USP28: variants seen among roughly 807,000 people sequenced by gnomAD.
USP28 encodes the protein ubiquitin carboxyl-terminal hydrolase 28.
USP28 carries 113 observed loss-of-function variants against 145.0 expected under a neutral mutation model. The observed-to-expected ratio is 0.78, with a 90% CI of 0.67 to 0.91. The LOEUF (loss-of-function observed/expected upper bound fraction) is 0.91, where lower values mean the gene tolerates loss of function less well. USP28 is among the 40% of genes least tolerant of loss of function. USP28 has a pLI of 0.00. For missense variants in USP28, 1,201 were observed against 1,289.6 expected, an observed-to-expected ratio of 0.93 and a Z score of 1.05; for synonymous variants, 447 against 450.9, an observed-to-expected ratio of 0.99 and a Z score of 0.11.
chr11:113,858,057 G>T (rs1286303470), intron 1 of USP28, among the ~76,000 whole-genome samples: 1 of 151,990 alleles, frequency 6.6e-6, no homozygotes, highest in Non-Finnish European at 1.5e-5. Context: ...GTAGACATGG[G>T]GTTTCTCCAT....
Position 113,808,295 on chromosome 11 carries a change from C to T in USP28, c.2304+3G>A. On this transcript the variant is annotated splice_donor_region_variant and intron_variant, in intron 18 of 24. Transcript: ENST00000003302. ...TGAACTTGGGCTTCCCAGTCATTCT[C>T]ACCTCACTCAGTGCCGCTTCTACAC... 2 of 1,609,902 alleles carry T rather than the reference C, an allele frequency of 1.2e-6. No individual in the cohort carries two copies. The highest frequency in any genetic ancestry group is 2.2e-5 in the East Asian group (1 of 44,854).
intron 11 of USP28, 71 bp downstream of exon 11, chr11:113,827,162 C>G: frequency 1.3e-6 from 2 of 1,531,150 alleles, no homozygotes; most frequent in Non-Finnish European, 1.8e-6. Context: ...CCTACGCACA[C>G]TATACTTAGT....
At chr11:113,874,083 G>C (rs1435448431) in intron 1 of USP28, among the ~76,000 whole-genome samples, 2 of 148,960 alleles carry the variant, frequency 1.3e-5, no homozygotes, top group Non-Finnish European at 3.0e-5. Flanking sequence ...GGAAGTTGCA[G>C]TGAGCCGAGA....
chr11:113,800,471 T>C lies in USP28; in HGVS notation c.3058+1012A>G, dbSNP rs186313626. On this transcript the variant is annotated intron_variant, in intron 24 of 24. Coordinates refer to ENST00000003302, the Ensembl canonical transcript of USP28. ...TATACCCAGCTAAGTTTTCATTTTT[T>C]GTAGAGGCAGGGTCTCACTATGTTG... Among the ~76,000 whole-genome samples the C allele has an allele frequency of 4.6e-5, 7 of 152,140 alleles. No homozygotes were observed. In the East Asian group the frequency reaches 1.4e-3, roughly 29 times the overall value.
At chr11:113,852,929 C>G (rs887037559) in intron 2 of USP28, among the ~76,000 whole-genome samples, 1 of 152,052 alleles carries the variant, frequency 6.6e-6, no homozygotes. Flanking sequence ...TTTCTCTGAA[C>G]AGTCTAAAGC....
At chr11:113,860,829 A>G (rs1947598478) in intron 1 of USP28, among the ~76,000 whole-genome samples, 1 of 151,464 alleles carries the variant, frequency 6.6e-6, no homozygotes, top group African/African-American at 2.4e-5. Context: ...GAAAAAAAAA[A>G]AAATAAGGGC....
At chr11:113,841,352 C>T (rs563114797) in intron 4 of USP28, among the ~76,000 whole-genome samples, 4 of 152,154 alleles carry the variant, frequency 2.6e-5, no homozygotes, top group Non-Finnish European at 5.9e-5. Context: ...CAGCATAACC[C>T]TCAAAGTTTA....
At chr11:113,802,974 G>T (rs951272869) in intron 23 of USP28, among the ~76,000 whole-genome samples, 184 bp downstream of exon 24, 1 of 152,076 alleles carries the variant, frequency 6.6e-6, no homozygotes, top group Non-Finnish European at 1.5e-5. Context: ...CATTGAAGAA[G>T]AATGACATTC....
intron 1 of USP28, among the ~76,000 whole-genome samples, chr11:113,858,146 G>C (rs1013422263): frequency 6.6e-6 from 1 of 152,132 alleles, no homozygotes; most frequent in Non-Finnish European, 1.5e-5. Context: ...GGTTACAGGC[G>C]TGAGCCACTG....
chr11:113,816,334 G>A (rs527674952), intron 13 of USP28, among the ~76,000 whole-genome samples: 1 of 152,190 alleles, frequency 6.6e-6, no homozygotes, highest in Non-Finnish European at 1.5e-5. Context: ...GGCCAACATG[G>A]TGAAACCCCA....
exon 9 of USP28, chr11:113,830,928 T>A: frequency 6.2e-7 from 1 of 1,614,076 alleles, no homozygotes; most frequent in Admixed American, 1.7e-5. Flanking sequence ...GATTTTCAGA[T>A]TTGTTCCTGG....
chr11:113,833,498 T>A (rs748399413), exon 7 of USP28: 2 of 1,614,196 alleles, frequency 1.2e-6, no homozygotes, highest in East Asian at 4.5e-5. Context: ...TTCTATTTGA[T>A]CCCATCATTA....
At chr11:113,818,033 T>C in intron 12 of USP28, 196 bp from the exon 13 acceptor site, 1 of 473,882 alleles carries the variant, frequency 2.1e-6, no homozygotes, top group African/African-American at 2.0e-5. Flanking sequence ...GCCAACAATC[T>C]GAAGTTTTAT....
intron 11 of USP28, 95 bp downstream of exon 11, chr11:113,827,138 T>C: frequency 2.1e-6 from 3 of 1,425,016 alleles, no homozygotes; most frequent in Non-Finnish European, 1.9e-6. Context: ...TATTATCATG[T>C]CTCCCAGGTG....
At chr11:113,804,568 G>T in intron 21 of USP28, 105 bp downstream of exon 22, 1 of 991,546 alleles carries the variant, frequency 1.0e-6, no homozygotes, top group Non-Finnish European at 1.5e-6. Flanking sequence ...GAAAGTGGAA[G>T]AACAAGTCAG....
At chr11:113,841,633 G>A in intron 4 of USP28, 30 bp downstream of exon 4, 5 of 1,469,334 alleles carry the variant, frequency 3.4e-6, no homozygotes, top group Non-Finnish European at 4.7e-6. Context: ...ACAAATGTGG[G>A]GGGCAAGAAT....
intron 3 of USP28, 57 bp from the exon 4 acceptor site, chr11:113,841,825 A>G: frequency 8.2e-7 from 1 of 1,218,714 alleles, no homozygotes; most frequent in South Asian, 1.4e-5. Context: ...GCCCTTCTGT[A>G]ATATAAGAAA....
rs532777796 is a variant in USP28, at chr11:113,798,999, C to T, written c.*241G>A. ...GTACAAGGCATTTCAGGTCTTCTGG[C>T]GTAATTCAACACCTTAATACACTGC... On this transcript the variant is annotated 3_prime_UTR_variant, in exon 25 of 25. Coordinates refer to ENST00000003302, the Ensembl canonical transcript of USP28. The T allele has an allele frequency of 2.0e-4, 65 of 330,874 alleles. 1 individual carries two copies. In the East Asian group the frequency reaches 3.3e-3, roughly 17 times the overall value. 20.5% of individuals were successfully genotyped at this position (330,874 alleles called of 1,614,324 possible).
intron 1 of USP28, 30 bp from the exon 2 acceptor site, chr11:113,854,365 C>T: frequency 4.4e-6 from 7 of 1,591,814 alleles, no homozygotes; most frequent in East Asian, 2.2e-5. Flanking sequence ...AAACCACAAA[C>T]ATGTCAGTCA....
Sources: allele counts gnomAD v4.1 joint callset (sites outside exome capture counted in the v4.1 genomes callset), GRCh38; gene constraint gnomAD v4.1.1; transcripts MANE v1.5; gene names NCBI Gene and HGNC (gene_info 2026-07-23, HGNC 2026-07-21).